Variants in GADL1 observed in about 807,000 individuals in gnomAD.
GADL1 encodes acidic amino acid decarboxylase GADL1.
GADL1 carries 71 observed loss-of-function variants against 69.5 expected under a neutral mutation model. The ratio of observed to expected loss-of-function variants is 1.02; its 90% confidence interval spans 0.84 to 1.25. The LOEUF is 1.25. GADL1 is among the 50% of genes most tolerant of loss of function. GADL1 has a pLI of 0.00. For missense variants in GADL1, 737 were observed against 631.8 expected (o/e 1.17, Z -1.79); for synonymous variants, 254 against 214.4 (o/e 1.18, Z -1.62).
In GADL1 at chr3:30,839,102, C is replaced by T. The variant is rs186250282; in HGVS notation, c.798G>A (p.Pro266=). The T allele has an allele frequency of 2.0e-5, 32 of 1,585,348 alleles. No homozygotes were observed. Among genetic ancestry groups the T allele is most frequent in the Middle Eastern group, 1.7e-4 (1 of 5,978 alleles). The change falls in exon 9 of 15, where the codon CCG becomes CCA. Residue 266 remains proline (P), a synonymous_variant. Coordinates refer to ENST00000282538, the MANE Select transcript of GADL1 (RefSeq NM_207359.3). The part of the protein sequence containing the change: ...VWQARKEGAA[P]FLVCATSGTT... ...TACCAGAAGTGGCACAGACAAGAAACGGTGCTGCCCCCTGTAAGAAGGATC... is the reference window on the plus strand; with the variant it reads ...TACCAGAAGTGGCACAGACAAGAAATGGTGCTGCCCCCTGTAAGAAGGATC...
At chr3:30,809,495 C>T (rs1001408801) in intron 11 of GADL1, among the ~76,000 whole-genome samples, 100 of 152,152 alleles carry the variant, frequency 6.6e-4, no homozygotes, top group Non-Finnish European at 1.3e-4. Flanking sequence ...ATGATATAAA[C>T]GCTTGCTTCT....
chr3:30,773,818 G>T (rs915667136), intron 14 of GADL1, among the ~76,000 whole-genome samples: 6 of 152,152 alleles, frequency 3.9e-5, no homozygotes, highest in African/African-American at 1.4e-4. Flanking sequence ...TGAAAGATAA[G>T]ATATTTGATA....
In GADL1 at chr3:30,800,993, G is replaced by T. The variant is rs1162493115; in HGVS notation, c.1146C>A (p.Ile382=). 1 of 1,613,920 alleles carries T rather than the reference G, an allele frequency of 6.2e-7. No homozygotes were observed. Among genetic ancestry groups the T allele is most frequent in the Non-Finnish European group, 8.5e-7 (1 of 1,179,856 alleles). The part of the protein sequence containing the change: ...DVSYDTGDKS[I]QCSRRPDAFK... Reference sequence around the variant, plus strand: ...ATGCATCTGGTCTTCTGCTACACTGGATAGACTTGTCTCCTGTGTCATAGC... The same window carrying T: ...ATGCATCTGGTCTTCTGCTACACTGTATAGACTTGTCTCCTGTGTCATAGC... The change falls in exon 12 of 15, where the codon ATC becomes ATA. Residue 382 remains isoleucine (I), a synonymous_variant. Transcript: ENST00000282538.
intron 8 of GADL1, among the ~76,000 whole-genome samples, chr3:30,843,535 C>T (rs1217288257): frequency 6.6e-6 from 1 of 152,152 alleles, no homozygotes; most frequent in Non-Finnish European, 1.5e-5. Flanking sequence ...GGATTACAGG[C>T]GTGAGCCACC....
chr3:30,893,162 A>T (rs1381977583), intron 1 of GADL1, among the ~76,000 whole-genome samples: 1 of 152,204 alleles, frequency 6.6e-6, no homozygotes, highest in East Asian at 1.9e-4. Context: ...AGCCTAACCA[A>T]ATATTTAAAT....
intron 1 of GADL1, among the ~76,000 whole-genome samples, chr3:30,884,260 G>C (rs9819285): frequency 0.046 from 6,996 of 151,970 alleles, 569 homozygotes; most frequent in African/African-American, 0.16. Flanking sequence ...AGCCCAGCTG[G>C]GGAAGGAAGA....
At position 30,877,901 on chromosome 3, in the gene GADL1, T is replaced by C. The variant is rs537170855; in HGVS notation, c.38-16136A>G. The stretch of plus-strand genomic sequence containing the variant: ...GCTGTCATCAAGTAATTTAGATAGT[T>C]GCTCTACAATATTTAACATGAAGAA... On this transcript the variant is annotated intron_variant, in intron 1 of 14. Transcript: ENST00000282538. Among the ~76,000 whole-genome samples the C allele has an allele frequency of 3.0e-4, 46 of 152,088 alleles. No individual in the cohort carries two copies. The South Asian group carries it at 3.3e-3, about 11-fold the overall frequency.
At chr3:30,741,591 C>T (rs769223660) in intron 14 of GADL1, among the ~76,000 whole-genome samples, 32 of 152,056 alleles carry the variant, frequency 2.1e-4, no homozygotes, top group African/African-American at 5.5e-4. Context: ...ATGTTCTTGC[C>T]GGTTACTACC....
chr3:30,729,592 C>T (rs56033817), intron 14 of GADL1, among the ~76,000 whole-genome samples: 3,419 of 152,194 alleles, frequency 0.022, 51 homozygotes, highest in Non-Finnish European at 0.033. Flanking sequence ...TGTGATAATC[C>T]CACACCAGCC....
intron 2 of GADL1, 100 bp from the exon 3 acceptor site, chr3:30,857,241 C>T (rs891231176): frequency 1.5e-5 from 15 of 995,330 alleles, no homozygotes; most frequent in East Asian, 2.6e-5. Flanking sequence ...TTCTGGGCAG[C>T]GGGTGATTTA....
In GADL1 at chr3:30,806,696, T is replaced by A. The variant is rs137870077; in HGVS notation, c.1051-5608A>T. On this transcript the variant is annotated intron_variant, in intron 11 of 14. Transcript: ENST00000282538. The stretch of plus-strand genomic sequence containing the variant: ...AGGGTCATATTCACCACCTTAGAGG[T>A]GTGAGAGATGGCTTTTCAGAAGAAG... 8.6e-5 allele frequency among the ~76,000 whole-genome samples: 13 copies of A among 151,968 alleles called. No homozygotes were observed. The East Asian group carries it at 2.5e-3, about 29-fold the overall frequency.
intron 12 of GADL1, among the ~76,000 whole-genome samples, chr3:30,788,937 C>CT (rs138313339): frequency 2.4e-3 from 362 of 152,254 alleles, no homozygotes; most frequent in African/African-American, 8.4e-3. Context: ...ACTTCCTTCC[C>CT]TGAAGTCTTA....
intron 1 of GADL1, among the ~76,000 whole-genome samples, chr3:30,880,548 T>C (rs968763574): frequency 6.6e-5 from 10 of 151,976 alleles, no homozygotes; most frequent in Admixed American, 2.0e-4. Flanking sequence ...GCCTATGCCA[T>C]GATTGTGAGG....
chr3:30,838,135 T>G (rs1697903195), intron 9 of GADL1, among the ~76,000 whole-genome samples: 1 of 152,118 alleles, frequency 6.6e-6, no homozygotes, highest in Non-Finnish European at 1.5e-5. Flanking sequence ...ATATTTCTTC[T>G]GCCAAGGAGG....
At chr3:30,844,040 G>A (rs1308277319) in intron 8 of GADL1, among the ~76,000 whole-genome samples, 170 bp downstream of exon 8, 1 of 152,366 alleles carries the variant, frequency 6.6e-6, no homozygotes, top group South Asian at 2.1e-4. Flanking sequence ...TAGAACATCT[G>A]TAAATGAGTT....
At chr3:30,767,206 G>C (rs911418404) in intron 14 of GADL1, among the ~76,000 whole-genome samples, 18 of 152,012 alleles carry the variant, frequency 1.2e-4, no homozygotes, top group African/African-American at 3.9e-4. Context: ...GAGTGGCAGA[G>C]GCATTATTTA....
intron 14 of GADL1, among the ~76,000 whole-genome samples, chr3:30,766,606 C>A (rs546914388): frequency 6.6e-6 from 1 of 152,152 alleles, no homozygotes; most frequent in Admixed American, 6.5e-5. Context: ...ATGTACTGTA[C>A]CAAAAGGCAC....
At chr3:30,820,410 G>GA (rs779119836) in intron 11 of GADL1, among the ~76,000 whole-genome samples, 4 of 151,982 alleles carry the variant, frequency 2.6e-5, no homozygotes, top group Admixed American at 6.6e-5. Flanking sequence ...ATATTAGAAT[G>GA]AAAAAATGAC....
Position 30,850,930 on chromosome 3 carries a change from T to A in GADL1, c.440A>T (p.Glu147Val). 1 of 1,533,938 alleles carries A rather than the reference T, an allele frequency of 6.5e-7. No homozygotes were observed. Among genetic ancestry groups the A allele is most frequent in the Non-Finnish European group, 8.8e-7 (1 of 1,131,114 alleles). The change falls in exon 5 of 15, where the codon GAG becomes GTG. Residue 147 changes from glutamate to valine, a missense_variant. Glu to Val is a moderately radical substitution (Grantham distance 121, BLOSUM62 -2). Transcript: ENST00000282538. ...EALNPSVYTY[E>V]VSPVFLLVEE... ...CACTAACAGAAACACTGGGGACACCTCATACGTATAACTAGATAGATATAA... is the reference window on the plus strand; with the variant it reads ...CACTAACAGAAACACTGGGGACACCACATACGTATAACTAGATAGATATAA...
Sources: gnomAD v4.1 joint callset for allele counts (sites outside exome capture counted in the v4.1 genomes callset) on GRCh38, gnomAD v4.1.1 for gene constraint, MANE v1.5 for transcripts, NCBI Gene and HGNC (gene_info 2026-07-23, HGNC 2026-07-21) for gene names.